RASAL2: variants seen among roughly 807,000 people sequenced by gnomAD.
RASAL2 encodes the protein RAS protein activator like 2.
In RASAL2, 58 loss-of-function variants were observed where a neutral mutation model predicts 128.9. The observed-to-expected ratio is 0.45, with a 90% confidence interval of 0.36 to 0.56. The LOEUF (loss-of-function observed/expected upper bound fraction) is 0.56. Among genes scored for constraint, RASAL2 ranks in the 20% least tolerant of loss-of-function variants. The pLI is 0.00. For missense variants in RASAL2, 1,360 were observed against 1,601.6 expected (o/e 0.85, Z 2.57); for synonymous variants, 561 against 580.8 (o/e 0.97, Z 0.49).
At chr1:178,400,965 G>T (rs78551504) in intron 4 of RASAL2, among the ~76,000 whole-genome samples, 74 of 152,260 alleles carry the variant, frequency 4.9e-4, no homozygotes, top group Middle Eastern at 3.4e-3. Context: ...TGGCCAGGCT[G>T]GTCTTGAACT....
chr1:178,265,525 C>T (rs1665907205), intron 1 of RASAL2, among the ~76,000 whole-genome samples: 1 of 152,160 alleles, frequency 6.6e-6, no homozygotes, highest in African/African-American at 2.4e-5. Context: ...TCAAAAAACT[C>T]CCTAAAAGAG....
At chr1:178,368,232 T>C (rs967186750) in intron 3 of RASAL2, among the ~76,000 whole-genome samples, 4 of 152,194 alleles carry the variant, frequency 2.6e-5, no homozygotes, top group Admixed American at 1.3e-4. Context: ...ACTGGCTGTG[T>C]TGATTTGGAA....
intron 1 of RASAL2, among the ~76,000 whole-genome samples, chr1:178,119,856 A>G (rs760323468): frequency 2.0e-4 from 31 of 152,172 alleles, no homozygotes; most frequent in Non-Finnish European, 2.2e-4. Flanking sequence ...TCATCTAGTT[A>G]TGGTGCTAGC....
intron 1 of RASAL2, among the ~76,000 whole-genome samples, chr1:178,118,971 G>C (rs1382031605): frequency 6.6e-6 from 1 of 152,056 alleles, no homozygotes; most frequent in Non-Finnish European, 1.5e-5. Context: ...AGGTTCAAGT[G>C]GTTCTTCTGT....
chr1:178,328,957 C>G (rs766136666), intron 3 of RASAL2, among the ~76,000 whole-genome samples: 1 of 152,160 alleles, frequency 6.6e-6, no homozygotes, highest in Admixed American at 6.5e-5. Flanking sequence ...TTCAGAGCCC[C>G]GCAGAGTGAT....
chr1:178,383,258 T>A (rs1170927879), intron 3 of RASAL2, among the ~76,000 whole-genome samples: 1 of 152,174 alleles, frequency 6.6e-6, no homozygotes, highest in African/African-American at 2.4e-5. Context: ...AGTGAAGTAC[T>A]GCAGTCTGAG....
intron 1 of RASAL2, among the ~76,000 whole-genome samples, chr1:178,140,442 T>C (rs1660485230): frequency 6.6e-6 from 1 of 152,210 alleles, no homozygotes; most frequent in African/African-American, 2.4e-5. Context: ...TAGGATAGCT[T>C]ACTGCCCTGA....
At chr1:178,200,914 C>T (rs1662842264) in intron 1 of RASAL2, among the ~76,000 whole-genome samples, 1 of 152,152 alleles carries the variant, frequency 6.6e-6, no homozygotes, top group South Asian at 2.1e-4. Flanking sequence ...GATATGCTGC[C>T]TAAGGCAACA....
chr1:178,202,480 A>G (rs1163234540), intron 1 of RASAL2, among the ~76,000 whole-genome samples: 1 of 152,218 alleles, frequency 6.6e-6, no homozygotes, highest in African/African-American at 2.4e-5. Context: ...TCCCTGGAGG[A>G]TAGCGGTGAA....
At chr1:178,139,023 A>G (rs768913107) in intron 1 of RASAL2, among the ~76,000 whole-genome samples, 1 of 152,096 alleles carries the variant, frequency 6.6e-6, no homozygotes, top group African/African-American at 2.4e-5. Context: ...CCTTGTTGTT[A>G]TAGATATATA....
At chr1:178,466,792 G>A (rs943240594) in intron 16 of RASAL2, among the ~76,000 whole-genome samples, 65 of 152,286 alleles carry the variant, frequency 4.3e-4, no homozygotes, top group African/African-American at 1.4e-3. Context: ...AAATGCTATG[G>A]ACAGGTCAAG....
chr1:178,298,091 T>G (rs1667599428), intron 2 of RASAL2, among the ~76,000 whole-genome samples: 1 of 152,194 alleles, frequency 6.6e-6, no homozygotes, highest in Admixed American at 6.5e-5. Flanking sequence ...TTTTCCAAAT[T>G]TACTGTCATT....
chr1:178,105,247 G>GA lies in RASAL2; in HGVS notation c.202+10559dup, dbSNP rs200773267. Among the ~76,000 whole-genome samples the GA allele has an allele frequency of 2.6e-5, 4 of 152,062 alleles. No homozygotes were observed. The East Asian group carries it at 7.7e-4, about 29-fold the overall frequency. On this transcript the variant is annotated intron_variant, in intron 1 of 17. Coordinates refer to ENST00000367649, the MANE Select transcript of RASAL2 (RefSeq NM_170692.4). ...AAAGTAATTTAAAATCTTTTCTTCA[G>GA]AAAAAATAATGGCAGGAATAGGAAT...
At chr1:178,191,693 C>G (rs1406052142) in intron 1 of RASAL2, among the ~76,000 whole-genome samples, 1 of 152,202 alleles carries the variant, frequency 6.6e-6, no homozygotes, top group Non-Finnish European at 1.5e-5. Flanking sequence ...AGCCTATAAT[C>G]TTGCTGTATC....
chr1:178,313,111 G>C (rs1668338633), intron 3 of RASAL2, among the ~76,000 whole-genome samples: 1 of 152,146 alleles, frequency 6.6e-6, no homozygotes, highest in Non-Finnish European at 1.5e-5. Flanking sequence ...GTCTACATAG[G>C]ATTTACTCTG....
intron 3 of RASAL2, among the ~76,000 whole-genome samples, chr1:178,303,699 A>G (rs977433557): frequency 6.6e-6 from 1 of 152,142 alleles, no homozygotes; most frequent in African/African-American, 2.4e-5. Context: ...GAAAAGGCAA[A>G]CCACAGAGTA....
intron 3 of RASAL2, among the ~76,000 whole-genome samples, chr1:178,305,297 A>G (rs1241067406): frequency 6.6e-6 from 1 of 152,202 alleles, no homozygotes; most frequent in Non-Finnish European, 1.5e-5. Flanking sequence ...AGAAAAAACA[A>G]TACTAAAATT....
chr1:178,321,137 G>T (rs948729039), intron 3 of RASAL2, among the ~76,000 whole-genome samples: 26 of 152,272 alleles, frequency 1.7e-4, no homozygotes, highest in Admixed American at 1.1e-3. Context: ...AGGCTGGAGT[G>T]CAGTGGCTTG....
chr1:178,228,876 A>T (rs1469757811), intron 1 of RASAL2, among the ~76,000 whole-genome samples: 1 of 152,206 alleles, frequency 6.6e-6, no homozygotes, highest in Non-Finnish European at 1.5e-5. Flanking sequence ...TACTCAAAAG[A>T]TACTCTCAAA....
Sources: allele counts gnomAD v4.1 joint callset (sites outside exome capture counted in the v4.1 genomes callset), GRCh38; gene constraint gnomAD v4.1.1; transcripts MANE v1.5; gene names NCBI Gene and HGNC (gene_info 2026-07-23, HGNC 2026-07-21).